HS3ST4: variants seen among roughly 807,000 people sequenced by gnomAD.
HS3ST4 encodes the protein heparan sulfate-glucosamine 3-sulfotransferase 4.
HS3ST4 carries 17 observed loss-of-function variants against 29.2 expected under a neutral mutation model. The observed-to-expected ratio is 0.58, with a 90% CI of 0.40 to 0.87. The LOEUF (loss-of-function observed/expected upper bound fraction) is 0.87. Among genes scored for constraint, HS3ST4 ranks in the 40% least tolerant of loss-of-function variants. The pLI is 0.00. For synonymous variants in HS3ST4, 314 were observed against 285.7 expected (o/e 1.10, Z -1.00); for missense variants, 627 against 634.5 (o/e 0.99, Z 0.13).
intron 1 of HS3ST4, among the ~76,000 whole-genome samples, chr16:25,838,693 A>G (rs149998042): frequency 1.3e-5 from 2 of 152,294 alleles, no homozygotes; most frequent in East Asian, 3.9e-4. Context: ...CTTGAGATCT[A>G]TAACTGGGTT....
chr16:25,848,932 CT>C (rs1447416226), intron 1 of HS3ST4, among the ~76,000 whole-genome samples: 2 of 152,070 alleles, frequency 1.3e-5, no homozygotes, highest in African/African-American at 2.4e-5. Flanking sequence ...CATCCAAGTA[CT>C]GCTACATTCC....
At chr16:25,756,127 T>TACAC (rs61054132) in intron 1 of HS3ST4, among the ~76,000 whole-genome samples, 176 of 140,746 alleles carry the variant, frequency 1.3e-3, no homozygotes, top group Middle Eastern at 3.8e-3. Context: ...CACACACACA[T>TACAC]ACACACACAC....
intron 1 of HS3ST4, among the ~76,000 whole-genome samples, chr16:26,078,934 G>A (rs182240586): frequency 2.0e-4 from 31 of 152,318 alleles, no homozygotes; most frequent in Non-Finnish European, 3.2e-4. Flanking sequence ...AAACGACAGT[G>A]TTTGTCTTGT....
At chr16:25,830,452 G>C (rs1001555193) in intron 1 of HS3ST4, among the ~76,000 whole-genome samples, 2 of 152,118 alleles carry the variant, frequency 1.3e-5, no homozygotes, top group South Asian at 2.1e-4. Context: ...TCTGCAGGGG[G>C]AGGCATCACC....
chr16:26,098,319 G>A (rs1249841365), intron 1 of HS3ST4, among the ~76,000 whole-genome samples: 3 of 152,172 alleles, frequency 2.0e-5, no homozygotes, highest in Non-Finnish European at 1.5e-5. Context: ...CAATAGCAAA[G>A]ACTTGGAACC....
chr16:25,829,976 A>G (rs1967276736), intron 1 of HS3ST4, among the ~76,000 whole-genome samples: 1 of 152,006 alleles, frequency 6.6e-6, no homozygotes, highest in South Asian at 2.1e-4. Context: ...GGCACACACC[A>G]CCACGCCTGG....
chr16:25,962,611 G>C (rs1471921440), intron 1 of HS3ST4, among the ~76,000 whole-genome samples: 1 of 152,192 alleles, frequency 6.6e-6, no homozygotes, highest in East Asian at 1.9e-4. Flanking sequence ...CCTCCAAGCA[G>C]TAACTCAGGG....
At chr16:26,023,789 T>A (rs1244531992) in intron 1 of HS3ST4, among the ~76,000 whole-genome samples, 1 of 152,146 alleles carries the variant, frequency 6.6e-6, no homozygotes, top group African/African-American at 2.4e-5. Context: ...TGGGGTAGAA[T>A]GCACATGATG....
At position 25,860,066 on chromosome 16, in the gene HS3ST4, C is replaced by G. The variant is rs148671470; in HGVS notation, c.734+166915C>G. On this transcript the variant is annotated intron_variant, in intron 1 of 1. Transcript: ENST00000331351. Reference sequence around the variant, plus strand: ...AGCTCCTTATGAGAATCTAATTGACCTGAGGTGGAACAGTTTCATCCCGAA... The same window carrying G: ...AGCTCCTTATGAGAATCTAATTGACGTGAGGTGGAACAGTTTCATCCCGAA... Among the ~76,000 whole-genome samples, 211 of 152,288 alleles carry G rather than the reference C, an allele frequency of 1.4e-3. 3 individuals carry two copies. The highest frequency in any genetic ancestry group is 3.4e-3 in the Middle Eastern group (1 of 294).
chr16:25,695,018 A>T (rs1027108946), intron 1 of HS3ST4, among the ~76,000 whole-genome samples: 4 of 152,190 alleles, frequency 2.6e-5, no homozygotes, highest in African/African-American at 9.6e-5. Flanking sequence ...AAGATGCCAG[A>T]TTTTCCTAGA....
intron 1 of HS3ST4, among the ~76,000 whole-genome samples, chr16:25,828,250 T>TTCTGTCTGTCTTTCTCTCTC (rs1567249338): frequency 7.2e-5 from 4 of 55,362 alleles, no homozygotes; most frequent in African/African-American, 2.9e-4. Context: ...TTCTCTTTCT[T>TTCTGTCTGTCTTTCTCTCTC]TCTTTCTTTC....
chr16:25,851,393 C>T (rs1298428567), intron 1 of HS3ST4, among the ~76,000 whole-genome samples: 1 of 152,194 alleles, frequency 6.6e-6, no homozygotes, highest in Non-Finnish European at 1.5e-5. Flanking sequence ...AGAGCGGGCT[C>T]TTTGAGTAGA....
chr16:25,910,952 G>A (rs189777004), intron 1 of HS3ST4, among the ~76,000 whole-genome samples: 51 of 152,262 alleles, frequency 3.3e-4, no homozygotes, highest in African/African-American at 1.2e-3. Context: ...TTCAGGCCCT[G>A]CCCAGTCTGA....
At chr16:26,063,530 G>GA (rs954495726) in intron 1 of HS3ST4, among the ~76,000 whole-genome samples, 3 of 149,124 alleles carry the variant, frequency 2.0e-5, no homozygotes, top group African/African-American at 7.4e-5. Flanking sequence ...AAAAAAAAAA[G>GA]AAAAAAACCA....
intron 1 of HS3ST4, among the ~76,000 whole-genome samples, chr16:26,040,584 G>T (rs978654364): frequency 1.3e-5 from 2 of 151,674 alleles, no homozygotes; most frequent in African/African-American, 4.8e-5. Context: ...GGATTACAGG[G>T]GTGAGCCACC....
At chr16:25,922,637 A>T (rs1202936468) in intron 1 of HS3ST4, among the ~76,000 whole-genome samples, 1 of 152,260 alleles carries the variant, frequency 6.6e-6, no homozygotes, top group African/African-American at 2.4e-5. Flanking sequence ...TGTTCCAGGC[A>T]CGCTGGATAC....
chr16:25,923,566 A>T (rs74682854), intron 1 of HS3ST4, among the ~76,000 whole-genome samples: 5,343 of 152,238 alleles, frequency 0.035, 390 homozygotes, highest in Admixed American at 0.18. Context: ...ATGACCCTTC[A>T]TTATACTGTA....
At chr16:25,828,301 C>CCTCTCTCT (rs1196055715) in intron 1 of HS3ST4, among the ~76,000 whole-genome samples, 1,266 of 32,846 alleles carry the variant, frequency 0.039, 145 homozygotes, top group Non-Finnish European at 0.047. Context: ...TCTTTCTTTC[C>CCTCTCTCT]CTCTCTCTCT....
At position 26,136,269 on chromosome 16, in the gene HS3ST4, G is replaced by A; in HGVS notation, c.*21G>A. 1.3e-6 allele frequency: 2 copies of A among 1,597,214 alleles called. No homozygotes were observed. Among genetic ancestry groups the A allele is most frequent in the African/African-American group, 1.3e-5 (1 of 74,714 alleles). On this transcript the variant is annotated 3_prime_UTR_variant, in exon 2 of 2. Coordinates refer to ENST00000331351, the MANE Select transcript of HS3ST4 (RefSeq NM_006040.3). ...AATGAGGCTAGAGAGGCAGAGGAAG[G>A]CTAGTCAATAAGCTAAGGAGGCTCC...
Sources: gnomAD v4.1 joint callset for allele counts (sites outside exome capture counted in the v4.1 genomes callset) on GRCh38, gnomAD v4.1.1 for gene constraint, MANE v1.5 for transcripts, NCBI Gene and HGNC (gene_info 2026-07-23, HGNC 2026-07-21) for gene names.